The following GLIS3 variants were observed in gnomAD, a reference collection of about 807,000 sequenced individuals.
The protein encoded by GLIS3 is GLIS family zinc finger 3, also known as zinc finger protein GLIS3.
In GLIS3, 53 loss-of-function variants were observed where a neutral mutation model predicts 78.6. The observed-to-expected ratio is 0.67, with a 90% confidence interval of 0.54 to 0.85. GLIS3 has a LOEUF of 0.85. GLIS3 is among the 40% of genes least tolerant of loss of function. The pLI is 0.00. For missense variants in GLIS3, 1,703 were observed against 1,231.1 expected (o/e 1.38, Z -5.74); for synonymous variants, 684 against 509.9 (o/e 1.34, Z -4.60).
Position 4,237,232 on chromosome 9 carries a change from C to T in GLIS3, c.388+48806G>A, listed in dbSNP as rs184306104. ...AAATATCCTTCAAAATAACCTAAAA[C>T]GCCTTTGAAATAATTTAAATATTAA... On this transcript the variant is annotated intron_variant, in intron 2 of 10. Transcript: ENST00000381971. 1.3e-4 allele frequency among the ~76,000 whole-genome samples: 19 copies of T among 151,970 alleles called. No individual in the cohort carries two copies. In the East Asian group the frequency reaches 2.9e-3, roughly 23 times the overall value.
chr9:3,891,779 CT>C (rs1822471913), intron 7 of GLIS3, among the ~76,000 whole-genome samples: 1 of 152,142 alleles, frequency 6.6e-6, no homozygotes, highest in Non-Finnish European at 1.5e-5. Context: ...TCCTCCAGAA[CT>C]ATGAATCCTA....
rs116958425 is a variant in GLIS3 at position 3,952,513 on chromosome 9, G to A, written c.1711-15324C>T. On this transcript the variant is annotated intron_variant, in intron 4 of 10. Transcript: ENST00000381971. The stretch of plus-strand genomic sequence containing the variant: ...AATTTCAGTAGCCATCTGCTTAACA[G>A]CCCACTCCTGGGTTCTGCATCTATT... Among the ~76,000 whole-genome samples the A allele has an allele frequency of 5.1e-3, 777 of 152,188 alleles. 7 individuals carry two copies. The highest frequency in any genetic ancestry group is 5.8e-3 in the Non-Finnish European group (397 of 68,012).
intron 1 of GLIS3, among the ~76,000 whole-genome samples, chr9:4,298,826 C>T (rs1487268647): frequency 6.6e-6 from 1 of 152,156 alleles, no homozygotes; most frequent in Non-Finnish European, 1.5e-5. Context: ...TAGGTACCCT[C>T]AGCCCGACCA....
At chr9:4,347,949 G>T (rs1817916098) in intron 1 of GLIS3, among the ~76,000 whole-genome samples, 1 of 152,088 alleles carries the variant, frequency 6.6e-6, no homozygotes, top group South Asian at 2.1e-4. Context: ...TACCTCATTT[G>T]TTCATTGCCC....
intron 2 of GLIS3, among the ~76,000 whole-genome samples, chr9:4,345,858 T>A (rs571067824): frequency 3.5e-4 from 53 of 152,312 alleles, no homozygotes; most frequent in African/African-American, 1.3e-3. Context: ...TGACACGTCT[T>A]TTTTTCTTGT....
At chr9:3,885,014 G>A (rs1443411642) in intron 7 of GLIS3, among the ~76,000 whole-genome samples, 1 of 152,148 alleles carries the variant, frequency 6.6e-6, no homozygotes, top group Non-Finnish European at 1.5e-5. Context: ...GTGCAAAAAG[G>A]ATATTCCCAT....
intron 2 of GLIS3, among the ~76,000 whole-genome samples, chr9:4,180,498 C>G (rs1563707979): frequency 6.6e-6 from 1 of 152,094 alleles, no homozygotes; most frequent in Non-Finnish European, 1.5e-5. Flanking sequence ...AATGAAACAC[C>G]CTTTGTGACA....
At chr9:4,139,276 C>T (rs10974343) in intron 2 of GLIS3, among the ~76,000 whole-genome samples, 14,439 of 152,170 alleles carry the variant, frequency 0.095, 1,318 homozygotes, top group African/African-American at 0.24. Flanking sequence ...CCTCACTGTA[C>T]GGAGCAATGA....
chr9:3,900,368 T>C (rs1027417708), intron 6 of GLIS3, among the ~76,000 whole-genome samples: 7 of 152,100 alleles, frequency 4.6e-5, no homozygotes, highest in African/African-American at 1.7e-4. Flanking sequence ...GGAGTGAATA[T>C]TGGTACAAAC....
intron 2 of GLIS3, among the ~76,000 whole-genome samples, chr9:4,134,532 C>T (rs1464033818): frequency 6.6e-6 from 1 of 152,160 alleles, no homozygotes; most frequent in Non-Finnish European, 1.5e-5. Flanking sequence ...ACAAATAATA[C>T]TATACACCCT....
intron 4 of GLIS3, among the ~76,000 whole-genome samples, chr9:3,955,091 G>T (rs981509485): frequency 6.6e-6 from 1 of 152,206 alleles, no homozygotes; most frequent in African/African-American, 2.4e-5. Flanking sequence ...GAGAGCATAG[G>T]CTGGAGTTAG....
At chr9:4,113,829 A>C (rs765244016) in intron 4 of GLIS3, among the ~76,000 whole-genome samples, 3 of 152,160 alleles carry the variant, frequency 2.0e-5, no homozygotes, top group Admixed American at 6.5e-5. Flanking sequence ...ATTCAAGCCA[A>C]AGAAAATACT....
chr9:4,175,448 A>G (rs138632117), intron 2 of GLIS3, among the ~76,000 whole-genome samples: 2 of 152,236 alleles, frequency 1.3e-5, no homozygotes, highest in Non-Finnish European at 2.9e-5. Flanking sequence ...TCATGAATAC[A>G]TAATAAAAAG....
intron 2 of GLIS3, among the ~76,000 whole-genome samples, chr9:4,235,752 T>C (rs1232390027): frequency 1.3e-5 from 2 of 152,168 alleles, no homozygotes; most frequent in East Asian, 3.9e-4. Context: ...AAAACCAAGA[T>C]CATTATCATT....
chr9:3,964,974 T>G (rs948684298), intron 4 of GLIS3, among the ~76,000 whole-genome samples: 2 of 152,090 alleles, frequency 1.3e-5, no homozygotes, highest in African/African-American at 4.8e-5. Flanking sequence ...TATTCTAAAC[T>G]TAGTTCCGTT....
At chr9:4,103,744 G>A (rs1830551374) in intron 4 of GLIS3, among the ~76,000 whole-genome samples, 1 of 152,110 alleles carries the variant, frequency 6.6e-6, no homozygotes. Flanking sequence ...CCATGAGGGT[G>A]GAAATCAATG....
chr9:4,322,149 A>C (rs1817538792), intron 2 of GLIS3, among the ~76,000 whole-genome samples: 1 of 151,930 alleles, frequency 6.6e-6, no homozygotes, highest in Non-Finnish European at 1.5e-5. Context: ...CATCCTTGTG[A>C]TAGTTTGCTC....
At chr9:3,950,120 C>G (rs558062664) in intron 4 of GLIS3, among the ~76,000 whole-genome samples, 1 of 152,332 alleles carries the variant, frequency 6.6e-6, no homozygotes, top group East Asian at 1.9e-4. Context: ...TCCCACATAT[C>G]CATCTCTAAT....
chr9:3,853,264 A>T (rs1167958421), intron 9 of GLIS3, among the ~76,000 whole-genome samples: 3 of 152,200 alleles, frequency 2.0e-5, no homozygotes, highest in Non-Finnish European at 2.9e-5. Flanking sequence ...TCAAGTTGAC[A>T]ATACATTCAT....
Sources: allele counts gnomAD v4.1 joint callset (sites outside exome capture counted in the v4.1 genomes callset), GRCh38; gene constraint gnomAD v4.1.1; transcripts MANE v1.5; gene names NCBI Gene and HGNC (gene_info 2026-07-23, HGNC 2026-07-21).